The following MAD1L1 variants were observed in gnomAD, a reference collection of about 807,000 sequenced individuals.
MAD1L1 encodes mitotic arrest deficient 1 like 1.
Under a neutral mutation model 96.9 loss-of-function variants are expected in MAD1L1, and 95 were observed. The observed-to-expected ratio is 0.98, with a 90% CI of 0.83 to 1.16. MAD1L1 has a LOEUF of 1.16. Among genes scored for constraint, MAD1L1 ranks in the 50% most tolerant of loss-of-function variants. MAD1L1 has a pLI of 0.00. For synonymous variants in MAD1L1, 473 were observed against 396.6 expected (o/e 1.19, Z -2.29); for missense variants, 1,007 against 954.4 (o/e 1.06, Z -0.73).
intron 11 of MAD1L1, among the ~76,000 whole-genome samples, chr7:2,111,907 T>C (rs1197505575): frequency 2.0e-5 from 3 of 152,220 alleles, no homozygotes; most frequent in African/African-American, 4.8e-5. Flanking sequence ...GTCCCACTCC[T>C]AAGTATGTGC....
chr7:1,873,110 C>T (rs934319985), intron 18 of MAD1L1, among the ~76,000 whole-genome samples: 5 of 152,344 alleles, frequency 3.3e-5, no homozygotes, highest in South Asian at 4.1e-4. Context: ...GGGGAGGAGC[C>T]CCCCGTGGGG....
At chr7:1,948,542 G>C (rs1779338615) in intron 16 of MAD1L1, among the ~76,000 whole-genome samples, 1 of 152,202 alleles carries the variant, frequency 6.6e-6, no homozygotes, top group Admixed American at 6.5e-5. Context: ...TTCCCGGCCT[G>C]AGACCCTGCT....
chr7:1,844,597 G>A (rs774289580), intron 18 of MAD1L1, among the ~76,000 whole-genome samples: 28 of 152,238 alleles, frequency 1.8e-4, no homozygotes, highest in East Asian at 3.9e-4. Context: ...GGTGCTCCCC[G>A]AGGCTGCCAC....
chr7:2,150,522 CCAAA>C (rs1464218256), intron 10 of MAD1L1, among the ~76,000 whole-genome samples: 2 of 152,210 alleles, frequency 1.3e-5, no homozygotes, highest in South Asian at 2.1e-4. Flanking sequence ...AGCTCCTCCT[CCAAA>C]CAGAGGAAGG....
intron 18 of MAD1L1, among the ~76,000 whole-genome samples, 165 bp from the exon 19 acceptor site, chr7:1,816,393 A>T (rs1781807822): frequency 6.6e-6 from 1 of 152,076 alleles, no homozygotes; most frequent in African/African-American, 2.4e-5. Context: ...ATTCCAGGTC[A>T]CCTAAAGGGA....
At chr7:1,872,058 C>T (rs1036047971) in intron 18 of MAD1L1, among the ~76,000 whole-genome samples, 1 of 152,186 alleles carries the variant, frequency 6.6e-6, no homozygotes, top group African/African-American at 2.4e-5. Flanking sequence ...CTGACAGATA[C>T]AGGCCCAAAC....
chr7:1,918,034 C>T (rs1278119803), intron 17 of MAD1L1, among the ~76,000 whole-genome samples: 1 of 152,136 alleles, frequency 6.6e-6, no homozygotes, highest in African/African-American at 2.4e-5. Flanking sequence ...CAACCTGAAT[C>T]GTGGGCCCAC....
intron 17 of MAD1L1, among the ~76,000 whole-genome samples, chr7:1,916,453 G>A (rs528298601): frequency 6.6e-5 from 10 of 152,290 alleles, no homozygotes; most frequent in Non-Finnish European, 1.2e-4. Context: ...CAAAACACAC[G>A]TCATGGCACG....
At chr7:1,876,219 C>G (rs978332718) in intron 18 of MAD1L1, among the ~76,000 whole-genome samples, 12 of 152,170 alleles carry the variant, frequency 7.9e-5, no homozygotes, top group African/African-American at 2.7e-4. Flanking sequence ...GCAGCCCCAC[C>G]TAGGAAGCAA....
intron 11 of MAD1L1, among the ~76,000 whole-genome samples, chr7:2,130,594 G>T (rs1788466476): frequency 6.6e-6 from 1 of 151,970 alleles, no homozygotes; most frequent in South Asian, 2.1e-4. Context: ...ACTTGTAAAA[G>T]AAAATAAAAT....
chr7:2,183,170 G>A (rs1006722489), intron 10 of MAD1L1, among the ~76,000 whole-genome samples: 7 of 150,716 alleles, frequency 4.6e-5, no homozygotes, highest in Non-Finnish European at 7.4e-5. Flanking sequence ...CTATGATCGC[G>A]CCACTGCATC....
chr7:2,010,416 C>A (rs996524394), intron 13 of MAD1L1, among the ~76,000 whole-genome samples: 1 of 152,204 alleles, frequency 6.6e-6, no homozygotes, highest in Non-Finnish European at 1.5e-5. Context: ...CGGCCAGCAG[C>A]GCAGTAATCG....
intron 14 of MAD1L1, among the ~76,000 whole-genome samples, chr7:2,000,458 T>C (rs1781743105): frequency 6.6e-6 from 1 of 151,884 alleles, no homozygotes; most frequent in African/African-American, 2.4e-5. Flanking sequence ...GCCCACAAGG[T>C]TGGACTACCA....
At chr7:1,832,814 T>G (rs1415041008) in intron 18 of MAD1L1, among the ~76,000 whole-genome samples, 3 of 151,544 alleles carry the variant, frequency 2.0e-5, no homozygotes, top group East Asian at 1.9e-4. Context: ...GTGTTTGTAG[T>G]AGAGACAGGG....
Position 2,141,514 on chromosome 7 carries a change from G to T in MAD1L1, c.1073+7638C>A, listed in dbSNP as rs375336720. Among the ~76,000 whole-genome samples, 285 of 152,270 alleles carry T rather than the reference G, an allele frequency of 1.9e-3. 1 individual carries two copies. Among genetic ancestry groups the T allele is most frequent in the African/African-American group, 6.7e-3 (279 of 41,550 alleles). On this transcript the variant is annotated intron_variant, in intron 11 of 18. Coordinates refer to ENST00000265854, the MANE Select transcript of MAD1L1 (RefSeq NM_001013836.2). ...CACCGGGTCTATGTCCCCCAACCCG[G>T]GACTTCACTAGCCCTGATCAGGAAA...
At chr7:2,131,963 G>C (rs759207897) in intron 11 of MAD1L1, among the ~76,000 whole-genome samples, 3 of 152,192 alleles carry the variant, frequency 2.0e-5, no homozygotes, top group African/African-American at 4.8e-5. Flanking sequence ...TAATGGAAAG[G>C]CTGGTGAAAG....
intron 18 of MAD1L1, among the ~76,000 whole-genome samples, chr7:1,876,638 T>C (rs1379252924): frequency 6.6e-6 from 1 of 151,706 alleles, no homozygotes; most frequent in East Asian, 1.9e-4. Flanking sequence ...TGCTTAAAAC[T>C]TTCCATGGCA....
chr7:1,892,760 C>G (rs1222634133), intron 18 of MAD1L1, among the ~76,000 whole-genome samples: 3 of 152,204 alleles, frequency 2.0e-5, no homozygotes, highest in South Asian at 2.1e-4. Flanking sequence ...TGACGCCCAC[C>G]CTGCAGGCCT....
chr7:1,822,765 A>G lies in MAD1L1; in HGVS notation c.1999-6537T>C, dbSNP rs540571338. 2.1e-5 allele frequency among the ~76,000 whole-genome samples: 3 copies of G among 144,744 alleles called. No homozygotes were observed. The South Asian group carries it at 6.4e-4, about 31-fold the overall frequency. The allele number at this position is 144,744 out of a possible 152,430, so 95.0% of individuals were successfully genotyped here. Reference sequence around the variant, plus strand: ...TTTTTTGGTAGAGAGACACAAGATTATTCTAAAATGTATATAGAAAGCAAT... The same window carrying G: ...TTTTTTGGTAGAGAGACACAAGATTGTTCTAAAATGTATATAGAAAGCAAT... On this transcript the variant is annotated intron_variant, in intron 18 of 18. Coordinates refer to ENST00000265854, the MANE Select transcript of MAD1L1 (RefSeq NM_001013836.2).
Sources: allele counts gnomAD v4.1 joint callset (sites outside exome capture counted in the v4.1 genomes callset), GRCh38; gene constraint gnomAD v4.1.1; transcripts MANE v1.5; gene names NCBI Gene and HGNC (gene_info 2026-07-23, HGNC 2026-07-21).